PHYHIPL: variants seen among roughly 807,000 people sequenced by gnomAD.
The protein encoded by PHYHIPL is phytanoyl-CoA 2-hydroxylase interacting protein like, also known as phytanoyl-CoA hydroxylase-interacting protein-like.
A neutral mutation model predicts 33.4 loss-of-function variants in PHYHIPL; 9 were observed. The ratio of observed to expected loss-of-function variants is 0.27; its 90% CI spans 0.16 to 0.47. The LOEUF (loss-of-function observed/expected upper bound fraction) is 0.47, where lower values mean the gene tolerates loss of function less well. PHYHIPL is among the 20% of genes least tolerant of loss of function. The pLI, the probability that PHYHIPL is intolerant of heterozygous loss-of-function variation, is 0.99. For missense variants in PHYHIPL, 365 were observed against 460.7 expected (o/e 0.79, Z 1.90); for synonymous variants, 153 against 154.1 (o/e 0.99, Z 0.05).
intron 1 of PHYHIPL, among the ~76,000 whole-genome samples, chr10:59,184,595 C>T (rs1017501516): frequency 1.1e-4 from 17 of 151,152 alleles, no homozygotes; most frequent in Non-Finnish European, 1.9e-4. Flanking sequence ...TATACCATTG[C>T]ATCTGATAGG....
At chr10:59,191,251 C>T (rs1838776395) in intron 1 of PHYHIPL, among the ~76,000 whole-genome samples, 1 of 152,048 alleles carries the variant, frequency 6.6e-6, no homozygotes, top group South Asian at 2.1e-4. Context: ...TACATAATCT[C>T]AGCATTTGAA....
At chr10:59,190,202 T>C (rs1190473650) in intron 1 of PHYHIPL, among the ~76,000 whole-genome samples, 2 of 152,012 alleles carry the variant, frequency 1.3e-5, no homozygotes, top group Non-Finnish European at 2.9e-5. Context: ...AGCTTCAGCA[T>C]CCACTATATT....
At chr10:59,187,133 G>A (rs1454070358) in intron 1 of PHYHIPL, among the ~76,000 whole-genome samples, 3 of 152,130 alleles carry the variant, frequency 2.0e-5, no homozygotes, top group Non-Finnish European at 4.4e-5. Flanking sequence ...TTTGAGATAC[G>A]TCCCTTCAAT....
intron 1 of PHYHIPL, among the ~76,000 whole-genome samples, chr10:59,178,464 TTTAG>T: frequency 6.6e-6 from 1 of 152,276 alleles, no homozygotes; most frequent in Non-Finnish European, 1.5e-5. Context: ...TCATTTGGAT[TTTAG>T]TTTAGACTTT....
chr10:59,199,969 G>A (rs1349476929), intron 1 of PHYHIPL, among the ~76,000 whole-genome samples: 1 of 152,038 alleles, frequency 6.6e-6, no homozygotes, highest in Non-Finnish European at 1.5e-5. Context: ...GAGACGATGG[G>A]GTTTTCTAGA....
At chr10:59,187,475 C>T (rs914131960) in intron 1 of PHYHIPL, among the ~76,000 whole-genome samples, 2 of 152,104 alleles carry the variant, frequency 1.3e-5, no homozygotes, top group African/African-American at 4.8e-5. Flanking sequence ...TGATGCTGGC[C>T]TCATAAAATG....
intron 1 of PHYHIPL, among the ~76,000 whole-genome samples, chr10:59,229,828 C>T (rs1037567969): frequency 3.9e-5 from 6 of 152,074 alleles, no homozygotes; most frequent in Non-Finnish European, 7.4e-5. Context: ...TGGGACTGGC[C>T]AAGACTCAGC....
At chr10:59,209,317 C>A (rs1431553566) in intron 1 of PHYHIPL, among the ~76,000 whole-genome samples, 1 of 152,052 alleles carries the variant, frequency 6.6e-6, no homozygotes, top group East Asian at 1.9e-4. Context: ...AATTTCATAT[C>A]CAGCCAAATT....
intron 1 of PHYHIPL, among the ~76,000 whole-genome samples, chr10:59,220,740 T>A (rs1386196984): frequency 6.6e-6 from 1 of 152,038 alleles, no homozygotes; most frequent in Non-Finnish European, 1.5e-5. Flanking sequence ...TGTAGTACAG[T>A]GGTTAGGAAC....
intron 1 of PHYHIPL, among the ~76,000 whole-genome samples, chr10:59,195,199 C>G (rs1838880038): frequency 6.6e-6 from 1 of 152,100 alleles, no homozygotes; most frequent in Admixed American, 6.6e-5. Flanking sequence ...CTTTTATTCT[C>G]ACATTATCAT....
chr10:59,196,396 T>C (rs964901854), intron 1 of PHYHIPL, among the ~76,000 whole-genome samples: 1 of 151,016 alleles, frequency 6.6e-6, no homozygotes, highest in African/African-American at 2.4e-5. Flanking sequence ...ATGACTGCAC[T>C]TATGAGTACA....
chr10:59,216,703 C>T (rs184184080), intron 1 of PHYHIPL, among the ~76,000 whole-genome samples: 134 of 152,156 alleles, frequency 8.8e-4, no homozygotes, highest in African/African-American at 3.1e-3. Flanking sequence ...CTAGATTTGA[C>T]TGGGTTTAAG....
intron 4 of PHYHIPL, among the ~76,000 whole-genome samples, chr10:59,240,932 A>G (rs1441630336): frequency 1.3e-5 from 2 of 152,094 alleles, no homozygotes; most frequent in African/African-American, 4.8e-5. Flanking sequence ...AAAATGGATA[A>G]TTATTGTGTA....
intron 1 of PHYHIPL, among the ~76,000 whole-genome samples, chr10:59,191,342 C>T (rs1299840493): frequency 1.3e-5 from 2 of 151,906 alleles, no homozygotes; most frequent in Non-Finnish European, 2.9e-5. Context: ...TTTTTGACAG[C>T]AGCTCACTCA....
At chr10:59,174,686 A>G (rs1838220924), upstream of PHYHIPL, among the ~76,000 whole-genome samples, 1 of 152,206 alleles carries the variant, frequency 6.6e-6, no homozygotes, top group Admixed American at 6.5e-5. Flanking sequence ...AAATCTGATC[A>G]TGCTAATTTC....
intron 1 of PHYHIPL, among the ~76,000 whole-genome samples, chr10:59,227,290 G>A (rs1309504351): frequency 6.6e-6 from 1 of 152,146 alleles, no homozygotes; most frequent in African/African-American, 2.4e-5. Flanking sequence ...CAGTGTGGTA[G>A]AGAAGCAAGG....
chr10:59,230,623 T>C (rs1007528728), intron 1 of PHYHIPL, among the ~76,000 whole-genome samples: 1 of 152,182 alleles, frequency 6.6e-6, no homozygotes, highest in African/African-American at 2.4e-5. Context: ...CAAAAGTATC[T>C]GAGACAGGTG....
chr10:59,245,652 T>G lies in PHYHIPL; in HGVS notation c.*61T>G. 3.4e-6 allele frequency: 5 copies of G among 1,482,254 alleles called. No individual in the cohort carries two copies. The highest frequency in any genetic ancestry group is 4.5e-6 in the Non-Finnish European group (5 of 1,108,448). The allele number at this position is 1,482,254 out of a possible 1,614,324, so 91.8% of individuals were successfully genotyped here. A position where few individuals can be genotyped will look rare whatever the true frequency, so the allele number is the denominator to read the frequency against. On this transcript the variant is annotated 3_prime_UTR_variant, in exon 5 of 5. Coordinates refer to ENST00000373880, the MANE Select transcript of PHYHIPL (RefSeq NM_032439.4). ...CTCCCTTAGGAGCATTGGTCCTCTG[T>G]TGTCCATTTTTATCACCAGATGTTT...
At chr10:59,175,996 C>T (rs146161379), upstream of PHYHIPL, among the ~76,000 whole-genome samples, 210 of 152,352 alleles carry the variant, frequency 1.4e-3, 6 homozygotes, top group East Asian at 0.03. Context: ...ACCTTTCTGG[C>T]AGTAAGGAGT....
Sources: allele counts gnomAD v4.1 joint callset (sites outside exome capture counted in the v4.1 genomes callset), GRCh38; gene constraint gnomAD v4.1.1; transcripts MANE v1.5; gene names NCBI Gene and HGNC (gene_info 2026-07-23, HGNC 2026-07-21).